The following TANGO6 variants were observed in gnomAD, a reference collection of about 807,000 sequenced individuals.
TANGO6 encodes the protein transport and Golgi organization protein 6 homolog.
Under a neutral mutation model 114.2 loss-of-function variants are expected in TANGO6, and 90 were observed. That is an observed-to-expected ratio of 0.79 (90% CI 0.66 to 0.94). The LOEUF is 0.94. Among genes scored for constraint, TANGO6 ranks in the 40% least tolerant of loss-of-function variants. The pLI, the probability that TANGO6 is intolerant of heterozygous loss-of-function variation, is 0.00. For missense variants in TANGO6, 1,274 were observed against 1,315.3 expected, an observed-to-expected ratio of 0.97 and a Z score of 0.49; for synonymous variants, 477 against 509.8, an observed-to-expected ratio of 0.94 and a Z score of 0.87.
chr16:69,003,195 T>C (rs1291852640), intron 15 of TANGO6, among the ~76,000 whole-genome samples: 1 of 152,202 alleles, frequency 6.6e-6, no homozygotes, highest in African/African-American at 2.4e-5. Flanking sequence ...GATTTAACCA[T>C]GGATGCACAA....
chr16:69,077,406 G>A (rs890221436), intron 17 of TANGO6, among the ~76,000 whole-genome samples: 4 of 152,164 alleles, frequency 2.6e-5, no homozygotes, highest in South Asian at 2.1e-4. Context: ...AGGAGTTTCT[G>A]CTTTTACCAG....
intron 1 of TANGO6, among the ~76,000 whole-genome samples, chr16:68,846,245 C>T (rs905294641): frequency 1.3e-5 from 2 of 152,012 alleles, no homozygotes; most frequent in South Asian, 2.1e-4. Flanking sequence ...AGGCGAGTCT[C>T]GAACTCCTGA....
intron 15 of TANGO6, among the ~76,000 whole-genome samples, chr16:68,980,289 G>A (rs1229633347): frequency 1.3e-5 from 2 of 148,764 alleles, no homozygotes; most frequent in Non-Finnish European, 3.0e-5. Context: ...TGTCAATGAA[G>A]GTAAATCTAT....
At chr16:69,024,910 C>A (rs1474141064) in intron 16 of TANGO6, among the ~76,000 whole-genome samples, 1 of 152,114 alleles carries the variant, frequency 6.6e-6, no homozygotes, top group African/African-American at 2.4e-5. Context: ...CAGGTTCAAG[C>A]GATTCTCCCG....
At chr16:68,908,822 CA>C (rs1382423951) in intron 10 of TANGO6, among the ~76,000 whole-genome samples, 3 of 152,180 alleles carry the variant, frequency 2.0e-5, no homozygotes, top group African/African-American at 7.2e-5. Flanking sequence ...AAAATACCCA[CA>C]AAGCAGAAAG....
intron 15 of TANGO6, among the ~76,000 whole-genome samples, chr16:68,986,404 C>G (rs1181122080): frequency 6.6e-6 from 1 of 151,964 alleles, no homozygotes; most frequent in Non-Finnish European, 1.5e-5. Flanking sequence ...AAGGGTGAGT[C>G]CTAGGCTTTA....
At chr16:68,852,345 A>G (rs936713929) in intron 1 of TANGO6, among the ~76,000 whole-genome samples, 1 of 152,218 alleles carries the variant, frequency 6.6e-6, no homozygotes. Context: ...ATTATAAATC[A>G]TGCAGTATTG....
At chr16:68,987,511 G>A (rs369149883) in intron 15 of TANGO6, among the ~76,000 whole-genome samples, 1 of 152,138 alleles carries the variant, frequency 6.6e-6, no homozygotes, top group African/African-American at 2.4e-5. Context: ...TGGGACTACA[G>A]GCATGTGCCA....
chr16:68,869,369 T>G (rs1035045928), intron 4 of TANGO6, among the ~76,000 whole-genome samples: 2 of 152,196 alleles, frequency 1.3e-5, no homozygotes, highest in African/African-American at 4.8e-5. Flanking sequence ...TTCCAGCTAC[T>G]GAGGTGGCTG....
At chr16:68,982,630 C>CGTTTTTTTTTTTTTTTTTTTTTT (rs1963848277) in intron 15 of TANGO6, among the ~76,000 whole-genome samples, 1 of 105,338 alleles carries the variant, frequency 9.5e-6, no homozygotes, top group Non-Finnish European at 1.8e-5. Context: ...ATGCCCTGGC[C>CGTTTTTTTTTTTTTTTTTTTTTT]TTTTTTTTTT....
At chr16:68,879,006 G>A (rs1962414452) in intron 6 of TANGO6, among the ~76,000 whole-genome samples, 1 of 151,966 alleles carries the variant, frequency 6.6e-6, no homozygotes, top group African/African-American at 2.4e-5. Context: ...AGCCTGGGAG[G>A]TTGAGGCTGC....
intron 14 of TANGO6, among the ~76,000 whole-genome samples, chr16:68,961,138 G>C (rs1465059576): frequency 6.6e-6 from 1 of 152,226 alleles, no homozygotes; most frequent in Non-Finnish European, 1.5e-5. Context: ...GTGGGATGCA[G>C]AGTTCCTCTC....
chr16:68,994,498 C>T (rs1963973386), intron 15 of TANGO6, among the ~76,000 whole-genome samples: 1 of 152,084 alleles, frequency 6.6e-6, no homozygotes, highest in Non-Finnish European at 1.5e-5. Flanking sequence ...CTTTCCCAGC[C>T]TATAAGAAGC....
chr16:68,954,374 C>T (rs1963505625), intron 14 of TANGO6, among the ~76,000 whole-genome samples: 1 of 152,054 alleles, frequency 6.6e-6, no homozygotes, highest in African/African-American at 2.4e-5. Flanking sequence ...CCTCCAGACC[C>T]TTAGGATCAG....
chr16:68,848,347 T>C (rs187868523), intron 1 of TANGO6, among the ~76,000 whole-genome samples: 14 of 152,190 alleles, frequency 9.2e-5, no homozygotes, highest in Middle Eastern at 3.4e-3. Context: ...TTTTTAAATA[T>C]AGAGAAACCA....
chr16:69,041,555 G>A (rs1209306199), intron 17 of TANGO6, among the ~76,000 whole-genome samples: 2 of 152,044 alleles, frequency 1.3e-5, no homozygotes, highest in Non-Finnish European at 2.9e-5. Context: ...TACAGGCAGG[G>A]ACTCAGTAGT....
chr16:69,024,163 A>G (rs1305117628), intron 16 of TANGO6, among the ~76,000 whole-genome samples: 1 of 151,796 alleles, frequency 6.6e-6, no homozygotes, highest in African/African-American at 2.4e-5. Flanking sequence ...CAGCCTCCCA[A>G]AGTGTTAGGA....
chr16:69,076,186 G>C (rs1440986106), intron 17 of TANGO6, among the ~76,000 whole-genome samples: 1 of 136,210 alleles, frequency 7.3e-6, no homozygotes, highest in Admixed American at 8.4e-5. Context: ...CCACCTCCCA[G>C]GTTTAAGTGA....
At chr16:68,967,200 T>C (rs1963655227) in intron 14 of TANGO6, among the ~76,000 whole-genome samples, 1 of 152,176 alleles carries the variant, frequency 6.6e-6, no homozygotes, top group African/African-American at 2.4e-5. Flanking sequence ...AATATTTCCA[T>C]GGACGGGACG....
Sources: gnomAD v4.1 joint callset for allele counts (sites outside exome capture counted in the v4.1 genomes callset) on GRCh38, gnomAD v4.1.1 for gene constraint, MANE v1.5 for transcripts, NCBI Gene and HGNC (gene_info 2026-07-23, HGNC 2026-07-21) for gene names.